PTPRG: variants seen among roughly 807,000 people sequenced by gnomAD.
PTPRG encodes the protein protein tyrosine phosphatase receptor type G, also known as receptor-type tyrosine-protein phosphatase gamma.
Under a neutral mutation model 165.3 loss-of-function variants are expected in PTPRG, and 102 were observed. The ratio of observed to expected loss-of-function variants is 0.62; its 90% CI spans 0.53 to 0.73. The LOEUF (loss-of-function observed/expected upper bound fraction) is 0.73. Ranked by LOEUF, PTPRG falls within the 30% of genes least tolerant of loss-of-function variation. The pLI is 0.00. For synonymous variants in PTPRG, 675 were observed against 669.5 expected (o/e 1.01, Z -0.13); for missense variants, 1,866 against 1,861.4 (o/e 1.00, Z -0.05).
At chr3:61,740,649 G>C (rs968915593) in intron 1 of PTPRG, among the ~76,000 whole-genome samples, 3 of 151,802 alleles carry the variant, frequency 2.0e-5, no homozygotes, top group African/African-American at 7.3e-5. Context: ...TTTTTACAAT[G>C]CTTTTTTTTC....
chr3:61,716,184 C>G (rs907391158), intron 1 of PTPRG, among the ~76,000 whole-genome samples: 1 of 152,182 alleles, frequency 6.6e-6, no homozygotes, highest in African/African-American at 2.4e-5. Context: ...GGGATCACGT[C>G]ACAACTCTGA....
chr3:62,088,262 A>G (rs1701815587), intron 5 of PTPRG, among the ~76,000 whole-genome samples: 1 of 152,226 alleles, frequency 6.6e-6, no homozygotes, highest in South Asian at 2.1e-4. Flanking sequence ...ACCAACAGTT[A>G]GCAGCCCAAA....
intron 2 of PTPRG, among the ~76,000 whole-genome samples, chr3:61,825,931 G>A (rs1292305425): frequency 5.5e-5 from 4 of 72,516 alleles, no homozygotes; most frequent in Non-Finnish European, 9.5e-5. Flanking sequence ...GATTACAGGC[G>A]TGCGTGAGCC....
At chr3:62,211,144 A>G (rs1424460278) in intron 12 of PTPRG, among the ~76,000 whole-genome samples, 1 of 152,250 alleles carries the variant, frequency 6.6e-6, no homozygotes, top group East Asian at 1.9e-4. Flanking sequence ...AATGTGGCAT[A>G]TAGTACATAC....
intron 4 of PTPRG, among the ~76,000 whole-genome samples, chr3:62,056,557 ATTTT>A (rs1443720494): frequency 3.9e-5 from 6 of 152,182 alleles, no homozygotes; most frequent in Non-Finnish European, 5.9e-5. Context: ...CAACCTCAGC[ATTTT>A]GGGCTTAATA....
At chr3:62,177,730 T>G (rs773151294) in intron 8 of PTPRG, among the ~76,000 whole-genome samples, 1 of 152,078 alleles carries the variant, frequency 6.6e-6, no homozygotes, top group Admixed American at 6.6e-5. Context: ...TTGTCCCACC[T>G]CTGTACCTAA....
At chr3:62,097,926 T>A (rs1231259138) in intron 5 of PTPRG, among the ~76,000 whole-genome samples, 1 of 152,226 alleles carries the variant, frequency 6.6e-6, no homozygotes, top group Admixed American at 6.5e-5. Flanking sequence ...AGAAATTAAC[T>A]TGAGTTATTA....
chr3:62,100,033 A>G (rs932397857), intron 5 of PTPRG, among the ~76,000 whole-genome samples: 1 of 151,938 alleles, frequency 6.6e-6, no homozygotes, highest in Admixed American at 6.6e-5. Flanking sequence ...TCCTGACATC[A>G]TGATCTTCCC....
intron 5 of PTPRG, among the ~76,000 whole-genome samples, chr3:62,097,225 G>T (rs531520011): frequency 6.6e-6 from 1 of 152,170 alleles, no homozygotes; most frequent in African/African-American, 2.4e-5. Flanking sequence ...GGTAAAGGAC[G>T]CCCTTTTCAG....
intron 1 of PTPRG, among the ~76,000 whole-genome samples, chr3:61,630,751 T>C (rs1701751775): frequency 6.6e-6 from 1 of 152,142 alleles, no homozygotes; most frequent in Non-Finnish European, 1.5e-5. Flanking sequence ...AAGTAGATTG[T>C]CAACTACTTA....
chr3:61,689,136 A>C (rs1437453178), intron 1 of PTPRG, among the ~76,000 whole-genome samples: 1 of 152,244 alleles, frequency 6.6e-6, no homozygotes, highest in Non-Finnish European at 1.5e-5. Flanking sequence ...AATTGTATTT[A>C]CTATTGGCCT....
intron 3 of PTPRG, among the ~76,000 whole-genome samples, chr3:61,999,452 T>C (rs1435241685): frequency 6.6e-6 from 1 of 152,130 alleles, no homozygotes; most frequent in African/African-American, 2.4e-5. Flanking sequence ...ACATGGGGGA[T>C]TGGGGTTTCA....
At chr3:62,098,386 G>C (rs1164713192) in intron 5 of PTPRG, among the ~76,000 whole-genome samples, 1 of 152,166 alleles carries the variant, frequency 6.6e-6, no homozygotes, top group Non-Finnish European at 1.5e-5. Flanking sequence ...GATGAGTATA[G>C]GCTGTATGGA....
chr3:62,194,827 T>TA (rs1699920724), intron 9 of PTPRG, among the ~76,000 whole-genome samples: 1 of 151,998 alleles, frequency 6.6e-6, no homozygotes, highest in Non-Finnish European at 1.5e-5. Context: ...AGAATAATGT[T>TA]ACTCTTTCCT....
At chr3:62,081,024 G>T (rs6764970) in intron 5 of PTPRG, among the ~76,000 whole-genome samples, 5,596 of 151,946 alleles carry the variant, frequency 0.037, 109 homozygotes, top group East Asian at 0.078. Context: ...TTGGAAGGCC[G>T]AGGCGGGCGG....
intron 1 of PTPRG, among the ~76,000 whole-genome samples, chr3:61,660,381 T>A (rs920756923): frequency 4.6e-5 from 7 of 152,166 alleles, no homozygotes; most frequent in African/African-American, 1.7e-4. Context: ...CACAGTGTGG[T>A]TAAACTTCTT....
intron 1 of PTPRG, chr3:61,742,422 T>TTTAACTGG: frequency 1.5e-6 from 2 of 1,316,850 alleles, no homozygotes; most frequent in Non-Finnish European, 2.0e-6. Flanking sequence ...TTTTTTTTTT[T>TTTAACTGG]TGAACTGGTA....
At chr3:61,637,900 A>G (rs1052366090) in intron 1 of PTPRG, among the ~76,000 whole-genome samples, 2 of 148,682 alleles carry the variant, frequency 1.3e-5, no homozygotes, top group African/African-American at 4.9e-5. Context: ...CTTACCATTC[A>G]TGTCTGTGAA....
intron 1 of PTPRG, among the ~76,000 whole-genome samples, chr3:61,682,242 A>G (rs1412759616): frequency 1.3e-5 from 2 of 151,980 alleles, no homozygotes; most frequent in Admixed American, 1.3e-4. Context: ...AGACCATATT[A>G]TATCAATGTT....
Sources: allele counts gnomAD v4.1 joint callset (sites outside exome capture counted in the v4.1 genomes callset), GRCh38; gene constraint gnomAD v4.1.1; transcripts MANE v1.5; gene names NCBI Gene and HGNC (gene_info 2026-07-23, HGNC 2026-07-21).